Variants in LSAMP observed in about 807,000 individuals in gnomAD.
LSAMP encodes the protein limbic system-associated membrane protein.
In LSAMP, 7 loss-of-function variants were observed where a neutral mutation model predicts 38.6. That is an observed-to-expected ratio of 0.18 (90% confidence interval 0.10 to 0.34). The LOEUF (loss-of-function observed/expected upper bound fraction) is 0.34. Ranked by LOEUF, LSAMP falls within the 10% of genes least tolerant of loss-of-function variation. The pLI, the probability that LSAMP is intolerant of heterozygous loss-of-function variation, is 1.00. For missense variants in LSAMP, 313 were observed against 420.0 expected (o/e 0.75, Z 2.23); for synonymous variants, 154 against 166.8 (o/e 0.92, Z 0.59).
At chr3:115,971,867 A>G (rs888571194) in intron 3 of LSAMP, among the ~76,000 whole-genome samples, 6 of 152,154 alleles carry the variant, frequency 3.9e-5, no homozygotes, top group Non-Finnish European at 5.9e-5. Flanking sequence ...CTTAGCAGAA[A>G]TATAGCTTCT....
chr3:116,037,924 C>G (rs187870175), intron 2 of LSAMP, among the ~76,000 whole-genome samples: 7 of 152,172 alleles, frequency 4.6e-5, no homozygotes, highest in Admixed American at 4.6e-4. Context: ...AGGACTAACC[C>G]TTGAGCTGAA....
chr3:116,292,888 A>G (rs2047285970), intron 1 of LSAMP, among the ~76,000 whole-genome samples: 1 of 152,160 alleles, frequency 6.6e-6, no homozygotes, highest in African/African-American at 2.4e-5. Flanking sequence ...TGTGCAATAA[A>G]CCAAAGACTA....
chr3:116,249,477 C>G (rs1349201291), intron 1 of LSAMP, among the ~76,000 whole-genome samples: 1 of 151,874 alleles, frequency 6.6e-6, no homozygotes, highest in Middle Eastern at 3.2e-3. Flanking sequence ...CCTCTGTCTC[C>G]TAACTTTGAG....
intron 2 of LSAMP, among the ~76,000 whole-genome samples, chr3:116,057,953 A>ACCCC (rs1559726077): frequency 2.8e-5 from 3 of 108,450 alleles, no homozygotes; most frequent in African/African-American, 1.1e-4. Flanking sequence ...ACACACACAC[A>ACCCC]CACCCACACA....
intron 1 of LSAMP, among the ~76,000 whole-genome samples, chr3:116,305,982 T>C (rs2107711573): frequency 6.6e-6 from 1 of 151,956 alleles, no homozygotes; most frequent in Middle Eastern, 3.4e-3. Flanking sequence ...GTTGCTTTTT[T>C]GAATTTGTAC....
chr3:116,175,771 G>T (rs1287936602), intron 1 of LSAMP, among the ~76,000 whole-genome samples: 1 of 151,902 alleles, frequency 6.6e-6, no homozygotes, highest in African/African-American at 2.4e-5. Flanking sequence ...AGATATATTT[G>T]CAGGATGATT....
At chr3:116,087,540 G>A (rs1209128849) in intron 1 of LSAMP, among the ~76,000 whole-genome samples, 1 of 152,150 alleles carries the variant, frequency 6.6e-6, no homozygotes, top group Non-Finnish European at 1.5e-5. Flanking sequence ...TGCCCCATAG[G>A]GAGATGTCCC....
At chr3:116,204,969 T>C (rs1310996006) in intron 1 of LSAMP, among the ~76,000 whole-genome samples, 4 of 144,390 alleles carry the variant, frequency 2.8e-5, no homozygotes, top group Middle Eastern at 3.7e-3. Context: ...GGGGATGGCA[T>C]TGAATCTGTA....
chr3:115,914,627 C>A (rs773494210), intron 3 of LSAMP, among the ~76,000 whole-genome samples: 2 of 152,178 alleles, frequency 1.3e-5, no homozygotes, highest in Non-Finnish European at 2.9e-5. Flanking sequence ...GAGAGGCTTC[C>A]TCTTTCCTCC....
intron 1 of LSAMP, among the ~76,000 whole-genome samples, chr3:116,127,810 T>G (rs1295800364): frequency 6.6e-6 from 1 of 151,700 alleles, no homozygotes; most frequent in East Asian, 1.9e-4. Context: ...AAAGGGACAT[T>G]TCTATATTTC....
chr3:116,243,396 A>G (rs1411268725), intron 1 of LSAMP, among the ~76,000 whole-genome samples: 1 of 152,200 alleles, frequency 6.6e-6, no homozygotes, highest in African/African-American at 2.4e-5. Context: ...TGAAGATCAG[A>G]TCTGAGGACT....
chr3:116,218,072 C>T (rs1162832565), intron 1 of LSAMP, among the ~76,000 whole-genome samples: 2 of 152,038 alleles, frequency 1.3e-5, no homozygotes, highest in Non-Finnish European at 2.9e-5. Flanking sequence ...GCTGTGGATC[C>T]GTGGTCTTGG....
chr3:116,318,774 T>C (rs975544242), intron 1 of LSAMP, among the ~76,000 whole-genome samples: 13 of 152,294 alleles, frequency 8.5e-5, no homozygotes, highest in African/African-American at 2.9e-4. Flanking sequence ...TCTCTGAAAG[T>C]AGAAGTTTTT....
At chr3:115,834,673 TCAAA>T in intron 6 of LSAMP, 1 of 710,694 alleles carries the variant, frequency 1.4e-6, no homozygotes, top group South Asian at 2.7e-5. Context: ...GTTTAGTTAT[TCAAA>T]CAATTATACA....
intron 3 of LSAMP, among the ~76,000 whole-genome samples, chr3:116,002,332 A>G (rs1273298460): frequency 6.6e-6 from 1 of 151,634 alleles, no homozygotes; most frequent in East Asian, 1.9e-4. Context: ...GCATAAAAGG[A>G]AAAAAAAAGA....
chr3:116,403,400 T>G (rs2048862986), intron 1 of LSAMP, among the ~76,000 whole-genome samples: 1 of 152,176 alleles, frequency 6.6e-6, no homozygotes. Context: ...GGTTTGCTTT[T>G]GCATCTCTTA....
chr3:116,036,304 G>C (rs1941044330), intron 2 of LSAMP, among the ~76,000 whole-genome samples: 2 of 152,186 alleles, frequency 1.3e-5, no homozygotes, highest in South Asian at 2.1e-4. Flanking sequence ...TGGAGACTTT[G>C]GATGTTAATG....
chr3:116,268,754 CATTTGTTGCTTATA>C (rs1366957884), intron 1 of LSAMP, among the ~76,000 whole-genome samples: 4 of 151,646 alleles, frequency 2.6e-5, no homozygotes, highest in Admixed American at 6.6e-5. Flanking sequence ...ATTTGTTGCT[CATTTGTTGCTTATA>C]ATTTGTTGCT....
chr3:116,290,760 AT>A (rs2047255506), intron 1 of LSAMP, among the ~76,000 whole-genome samples: 11 of 148,422 alleles, frequency 7.4e-5, no homozygotes, highest in African/African-American at 1.2e-4. Flanking sequence ...AATAATAATA[AT>A]AATAATAATA....
Sources: gnomAD v4.1 joint callset for allele counts (sites outside exome capture counted in the v4.1 genomes callset) on GRCh38, gnomAD v4.1.1 for gene constraint, MANE v1.5 for transcripts, NCBI Gene and HGNC (gene_info 2026-07-23, HGNC 2026-07-21) for gene names.